Variants in PDE4B observed in about 807,000 individuals in gnomAD.
PDE4B encodes the protein 3',5'-cyclic-AMP phosphodiesterase 4B.
Under a neutral mutation model 82.2 loss-of-function variants are expected in PDE4B, and 20 were observed. That is an observed-to-expected ratio of 0.24 (90% confidence interval 0.17 to 0.35). The LOEUF is 0.35. Ranked by LOEUF, PDE4B falls within the 10% of genes least tolerant of loss-of-function variation. The probability of loss-of-function intolerance (pLI) is 1.00; values close to 1 mark genes in which losing one functional copy is unlikely to be tolerated. For synonymous variants in PDE4B, 320 were observed against 318.9 expected (o/e 1.00, Z -0.04); for missense variants, 655 against 907.2 (o/e 0.72, Z 3.57).
At chr1:66,268,741 A>G (rs1655247670) in intron 7 of PDE4B, among the ~76,000 whole-genome samples, 1 of 151,544 alleles carries the variant, frequency 6.6e-6, no homozygotes, top group Non-Finnish European at 1.5e-5. Context: ...CCTTCTTCTC[A>G]CTATCCAGCC....
chr1:66,072,210 A>C (rs564323323), intron 3 of PDE4B, among the ~76,000 whole-genome samples: 4 of 152,170 alleles, frequency 2.6e-5, no homozygotes, highest in Non-Finnish European at 4.4e-5. Flanking sequence ...AGGCTGCTTA[A>C]GAAATAATGA....
At chr1:65,982,285 G>C (rs1449108862) in intron 3 of PDE4B, among the ~76,000 whole-genome samples, 1 of 152,108 alleles carries the variant, frequency 6.6e-6, no homozygotes, top group Non-Finnish European at 1.5e-5. Context: ...TGATGAACTT[G>C]GATATTTAGC....
intron 3 of PDE4B, among the ~76,000 whole-genome samples, chr1:65,984,773 C>T (rs1650869266): frequency 6.6e-6 from 1 of 151,864 alleles, no homozygotes; most frequent in Non-Finnish European, 1.5e-5. Context: ...AACAAACAAA[C>T]AAAATATATA....
chr1:65,891,503 TC>T (rs1192015517), intron 1 of PDE4B, among the ~76,000 whole-genome samples: 1 of 152,056 alleles, frequency 6.6e-6, no homozygotes, highest in African/African-American at 2.4e-5. Context: ...TGGTGTATCA[TC>T]TTGTGGATGT....
At chr1:66,016,472 A>C (rs1500956) in intron 3 of PDE4B, among the ~76,000 whole-genome samples, 15,856 of 152,210 alleles carry the variant, frequency 0.1, 953 homozygotes, top group Admixed American at 0.18. Context: ...AAACTTTAAC[A>C]TCCACATCAT....
rs189500654 is a variant in PDE4B at position 66,048,631 on chromosome 1, A to T, written c.281+129796A>T. 2.6e-5 allele frequency among the ~76,000 whole-genome samples: 4 copies of T among 152,078 alleles called. No individual in the cohort carries two copies. The East Asian group carries it at 7.7e-4, about 29-fold the overall frequency. On this transcript the variant is annotated intron_variant, in intron 3 of 16. Transcript: ENST00000341517. ...TAGCTCCTTTATTTTATAGTTGTGG[A>T]TGCTGGGGCCAAGTAGAGTTGACTT...
At chr1:66,287,098 G>A (rs1656730999) in intron 7 of PDE4B, among the ~76,000 whole-genome samples, 1 of 152,092 alleles carries the variant, frequency 6.6e-6, no homozygotes, top group African/African-American at 2.4e-5. Flanking sequence ...GAATGCAGGT[G>A]GGGATAATAT....
At chr1:65,915,840 C>T (rs559881930) in intron 2 of PDE4B, among the ~76,000 whole-genome samples, 154 of 152,218 alleles carry the variant, frequency 1.0e-3, no homozygotes, top group African/African-American at 3.5e-3. Flanking sequence ...TCCAAAACTA[C>T]GTTGTTTCCT....
intron 3 of PDE4B, among the ~76,000 whole-genome samples, chr1:65,980,489 A>T (rs1484354135): frequency 1.3e-5 from 2 of 152,192 alleles, no homozygotes; most frequent in African/African-American, 4.8e-5. Flanking sequence ...CTGTAATCAT[A>T]GGCTGTGACT....
chr1:66,186,376 T>C (rs535391537), intron 3 of PDE4B, among the ~76,000 whole-genome samples: 1 of 152,278 alleles, frequency 6.6e-6, no homozygotes, highest in South Asian at 2.1e-4. Context: ...GTGAAGAAAG[T>C]CATTGGTAAC....
intron 1 of PDE4B, among the ~76,000 whole-genome samples, chr1:65,870,422 A>C (rs1028791140): frequency 1.3e-5 from 2 of 152,160 alleles, no homozygotes; most frequent in African/African-American, 4.8e-5. Context: ...CAAACACACT[A>C]ACTAAACCAA....
intron 3 of PDE4B, among the ~76,000 whole-genome samples, chr1:65,957,419 C>T (rs1411525884): frequency 6.7e-4 from 2 of 2,982 alleles, no homozygotes; most frequent in Non-Finnish European, 1.8e-3. Flanking sequence ...ATTCTGGGCT[C>T]TCTATTTGTT....
chr1:66,313,395 G>A (rs1354689276), intron 7 of PDE4B, among the ~76,000 whole-genome samples: 1 of 152,172 alleles, frequency 6.6e-6, no homozygotes, highest in Non-Finnish European at 1.5e-5. Context: ...TGTTGCCCCT[G>A]AACCTTGCTG....
At chr1:66,152,967 T>C (rs1646433425) in intron 3 of PDE4B, among the ~76,000 whole-genome samples, 1 of 152,166 alleles carries the variant, frequency 6.6e-6, no homozygotes, top group Non-Finnish European at 1.5e-5. Context: ...CAGCTGATTG[T>C]AGATGTTAAC....
intron 7 of PDE4B, among the ~76,000 whole-genome samples, chr1:66,304,899 C>T (rs1658162005): frequency 6.6e-6 from 1 of 152,144 alleles, no homozygotes; most frequent in Non-Finnish European, 1.5e-5. Flanking sequence ...CCTCCTCAGT[C>T]CTCAATGCTC....
chr1:65,973,766 C>G (rs958044059), intron 3 of PDE4B, among the ~76,000 whole-genome samples: 3 of 151,584 alleles, frequency 2.0e-5, no homozygotes, highest in African/African-American at 7.3e-5. Flanking sequence ...CTAAAGCATA[C>G]AAAACAATGC....
chr1:66,315,630 AT>A (rs200836854), intron 7 of PDE4B, among the ~76,000 whole-genome samples: 1 of 150,510 alleles, frequency 6.6e-6, no homozygotes, highest in African/African-American at 2.4e-5. Context: ...TAATTTTTGT[AT>A]TTTTTTTTAA....
rs563380085 is a variant in PDE4B, at chr1:65,960,890, A to G, written c.281+42055A>G. ...ATAATGGCTCCTCTCTCTGAACTCA[A>G]CTTCCACTGGATACATGGCATATAC... On this transcript the variant is annotated intron_variant, in intron 3 of 16. Coordinates refer to ENST00000341517, the MANE Select transcript of PDE4B (RefSeq NM_002600.4). Among the ~76,000 whole-genome samples, 246 of 152,280 alleles carry G rather than the reference A, an allele frequency of 1.6e-3. 1 individual carries two copies. Among genetic ancestry groups the G allele is most frequent in the Non-Finnish European group, 2.9e-3 (196 of 68,014 alleles).
chr1:66,354,572 C>G (rs1662084779), intron 8 of PDE4B: 1 of 1,260,080 alleles, frequency 7.9e-7, no homozygotes, highest in Middle Eastern at 3.1e-4. Context: ...TACATTTGGA[C>G]AGGCTCTTGC....
Sources: allele counts gnomAD v4.1 joint callset (sites outside exome capture counted in the v4.1 genomes callset), GRCh38; gene constraint gnomAD v4.1.1; transcripts MANE v1.5; gene names NCBI Gene and HGNC (gene_info 2026-07-23, HGNC 2026-07-21).